The following MLLT3 variants were observed in gnomAD, a reference collection of about 807,000 sequenced individuals.
MLLT3 encodes MLLT3 super elongation complex subunit.
Under a neutral mutation model 53.2 loss-of-function variants are expected in MLLT3, and 4 were observed. The ratio of observed to expected loss-of-function variants is 0.08; its 90% CI spans 0.04 to 0.17. The LOEUF (loss-of-function observed/expected upper bound fraction) is 0.17, where lower values mean the gene tolerates loss of function less well. MLLT3 is among the 10% of genes least tolerant of loss of function. MLLT3 has a pLI of 1.00. For missense variants in MLLT3, 569 were observed against 684.0 expected (o/e 0.83, Z 1.87); for synonymous variants, 283 against 230.6 (o/e 1.23, Z -2.06).
intron 2 of MLLT3, among the ~76,000 whole-genome samples, chr9:20,483,594 A>G (rs1824722708): frequency 6.6e-6 from 1 of 151,732 alleles, no homozygotes; most frequent in Non-Finnish European, 1.5e-5. Flanking sequence ...GGAGAGAACC[A>G]CCAGCAAACT....
At chr9:20,493,356 T>C (rs532098512) in intron 2 of MLLT3, among the ~76,000 whole-genome samples, 1 of 152,150 alleles carries the variant, frequency 6.6e-6, no homozygotes, top group South Asian at 2.1e-4. Flanking sequence ...CAGGTTAATC[T>C]GACCTATCCA....
At chr9:20,424,163 T>C (rs2118800039) in intron 4 of MLLT3, among the ~76,000 whole-genome samples, 1 of 152,298 alleles carries the variant, frequency 6.6e-6, no homozygotes, top group Non-Finnish European at 1.5e-5. Context: ...CTGGAACCCA[T>C]CAATCCCCTA....
intron 2 of MLLT3, among the ~76,000 whole-genome samples, chr9:20,605,136 A>AT (rs1820528845): frequency 6.6e-6 from 1 of 152,106 alleles, no homozygotes; most frequent in African/African-American, 2.4e-5. Flanking sequence ...GATTTATACC[A>AT]TTTTATAGAA....
At chr9:20,477,622 T>C (rs1824558924) in intron 2 of MLLT3, among the ~76,000 whole-genome samples, 1 of 152,146 alleles carries the variant, frequency 6.6e-6, no homozygotes, top group Non-Finnish European at 1.5e-5. Context: ...CTATATGCTC[T>C]GGGGCCCAGG....
intron 4 of MLLT3, among the ~76,000 whole-genome samples, chr9:20,415,799 A>C (rs1822856307): frequency 6.6e-6 from 1 of 152,018 alleles, no homozygotes; most frequent in African/African-American, 2.4e-5. Context: ...ATATAGGTAC[A>C]TGTATAAGCA....
chr9:20,439,677 C>G (rs1411280428), intron 4 of MLLT3, among the ~76,000 whole-genome samples: 2 of 152,068 alleles, frequency 1.3e-5, no homozygotes, highest in Non-Finnish European at 2.9e-5. Context: ...TATCAATCCT[C>G]TGAAGTGTGA....
intron 7 of MLLT3, chr9:20,362,587 G>C (rs1321265227): frequency 1.3e-5 from 2 of 151,868 alleles, no homozygotes; most frequent in Non-Finnish European, 2.9e-5. Flanking sequence ...GGTTGAATAT[G>C]ACCATAAAAA....
intron 2 of MLLT3, among the ~76,000 whole-genome samples, chr9:20,617,771 G>A (rs1245392119): frequency 2.0e-5 from 3 of 152,068 alleles, no homozygotes; most frequent in Non-Finnish European, 4.4e-5. Context: ...AAGATTTTGT[G>A]CCATTAGTTT....
intron 7 of MLLT3, 99 bp downstream of exon 7, chr9:20,363,377 G>A (rs901888998): frequency 3.5e-5 from 51 of 1,447,702 alleles, no homozygotes; most frequent in East Asian, 9.3e-5. Flanking sequence ...ATCTACTGCC[G>A]TTTTTGGTGT....
At chr9:20,579,718 C>T (rs908591468) in intron 2 of MLLT3, among the ~76,000 whole-genome samples, 4 of 152,120 alleles carry the variant, frequency 2.6e-5, no homozygotes, top group South Asian at 4.1e-4. Flanking sequence ...GCTCTAACCC[C>T]ACCCTTTTTA....
At position 20,589,414 on chromosome 9, in the gene MLLT3, T is replaced by C. The variant is rs1820065817; in HGVS notation, c.193+31240A>G. Among the ~76,000 whole-genome samples the C allele has an allele frequency of 4.1e-5, 5 of 121,900 alleles. No individual in the cohort carries two copies. In the Admixed American group the frequency reaches 5.3e-4, roughly 13 times the overall value. 80.0% of individuals were successfully genotyped at this position (121,900 alleles called of 152,430 possible). On this transcript the variant is annotated intron_variant, in intron 2 of 10. Coordinates refer to ENST00000380338, the MANE Select transcript of MLLT3 (RefSeq NM_004529.4). Reference sequence around the variant, plus strand: ...TCACATGGACACAGGAAGGGGAACATCACACTCTGGGGACTGTTGTGGGGT... The same window carrying C: ...TCACATGGACACAGGAAGGGGAACACCACACTCTGGGGACTGTTGTGGGGT...
chr9:20,595,989 A>G (rs1283581851), intron 2 of MLLT3, among the ~76,000 whole-genome samples: 1 of 152,248 alleles, frequency 6.6e-6, no homozygotes, highest in Non-Finnish European at 1.5e-5. Context: ...TTAAATTTTA[A>G]AAGCCACATA....
chr9:20,414,487 A>G lies in MLLT3; in HGVS notation c.421-62T>C, dbSNP rs1322337922. On this transcript the variant is annotated intron_variant, in intron 4 of 10. Transcript: ENST00000380338. ...CTAAATAGCAATGAAGAGTCAAAAG[A>G]GATCTACATAAAATGATCCTTCTTT... is the stretch of plus-strand genomic sequence containing the variant. The G allele has an allele frequency of 3.1e-6, 5 of 1,590,694 alleles. No homozygotes were observed. In the Admixed American group the frequency reaches 8.4e-5, roughly 27 times the overall value.
intron 4 of MLLT3, chr9:20,418,200 T>C (rs1289997759): frequency 1.3e-5 from 2 of 152,200 alleles, no homozygotes; most frequent in Non-Finnish European, 2.9e-5. Context: ...TATGCATATG[T>C]AGGGGTAGGA....
intron 4 of MLLT3, among the ~76,000 whole-genome samples, chr9:20,418,121 GA>G (rs1822918293): frequency 6.6e-6 from 1 of 152,154 alleles, no homozygotes; most frequent in African/African-American, 2.4e-5. Flanking sequence ...AACTCTCCTA[GA>G]AGTTTATTTG....
At chr9:20,518,242 G>A (rs1359638368) in intron 2 of MLLT3, among the ~76,000 whole-genome samples, 1 of 152,068 alleles carries the variant, frequency 6.6e-6, no homozygotes, top group Non-Finnish European at 1.5e-5. Flanking sequence ...CTACTCAGGA[G>A]GCTGAGGCAG....
At chr9:20,387,666 A>C (rs988109689) in intron 5 of MLLT3, among the ~76,000 whole-genome samples, 3 of 152,214 alleles carry the variant, frequency 2.0e-5, no homozygotes, top group Non-Finnish European at 4.4e-5. Flanking sequence ...TTTCATGCCA[A>C]TTATATTGTT....
chr9:20,485,177 C>T lies in MLLT3; in HGVS notation c.194-28391G>A, dbSNP rs193121463. On this transcript the variant is annotated intron_variant, in intron 2 of 10. Coordinates refer to ENST00000380338, the MANE Select transcript of MLLT3 (RefSeq NM_004529.4). ...CTAATTTTTGTATTTTCAGTAGAGACGGGGTTTCACCATGTTAGGCACGCT... is the reference window on the plus strand; with the variant it reads ...CTAATTTTTGTATTTTCAGTAGAGATGGGGTTTCACCATGTTAGGCACGCT... Among the ~76,000 whole-genome samples the T allele has an allele frequency of 3.1e-3, 477 of 151,982 alleles. 3 individuals carry two copies. Among genetic ancestry groups the T allele is most frequent in the African/African-American group, 0.011 (460 of 41,474 alleles).
chr9:20,525,295 G>A (rs1374314690), intron 2 of MLLT3, among the ~76,000 whole-genome samples: 1 of 152,138 alleles, frequency 6.6e-6, no homozygotes, highest in African/African-American at 2.4e-5. Flanking sequence ...TCAGGAGTTT[G>A]AGACCAGTCT....
Sources: gnomAD v4.1 joint callset for allele counts (sites outside exome capture counted in the v4.1 genomes callset) on GRCh38, gnomAD v4.1.1 for gene constraint, MANE v1.5 for transcripts, NCBI Gene and HGNC (gene_info 2026-07-23, HGNC 2026-07-21) for gene names.